Variants in RALGPS2 observed in about 807,000 individuals in gnomAD.
The protein encoded by RALGPS2 is ras-specific guanine nucleotide-releasing factor RalGPS2.
Under a neutral mutation model 86.8 loss-of-function variants are expected in RALGPS2, and 43 were observed. That is an observed-to-expected ratio of 0.50 (90% confidence interval 0.39 to 0.64). The LOEUF (loss-of-function observed/expected upper bound fraction) is 0.64, where lower values mean the gene tolerates loss of function less well. RALGPS2 is among the 30% of genes least tolerant of loss of function. RALGPS2 has a pLI of 0.00. For missense variants in RALGPS2, 536 were observed against 694.6 expected (o/e 0.77, Z 2.57); for synonymous variants, 243 against 231.3 (o/e 1.05, Z -0.46).
chr1:178,862,080 C>A (rs1194556704), intron 8 of RALGPS2, among the ~76,000 whole-genome samples: 3 of 152,008 alleles, frequency 2.0e-5, no homozygotes, highest in Non-Finnish European at 4.4e-5. Flanking sequence ...ACCATGTTGG[C>A]CAGGCTGGTC....
At chr1:178,816,120 T>C (rs1655216397) in intron 6 of RALGPS2, among the ~76,000 whole-genome samples, 1 of 152,226 alleles carries the variant, frequency 6.6e-6, no homozygotes, top group Non-Finnish European at 1.5e-5. Flanking sequence ...TAGGAATATG[T>C]TTTAACTTTA....
At chr1:178,897,835 A>G (rs977761987) in intron 17 of RALGPS2, 79 bp downstream of exon 17, 15 of 1,227,988 alleles carry the variant, frequency 1.2e-5, no homozygotes, top group African/African-American at 4.5e-5. Context: ...CTAATGGGAT[A>G]CAAAGGTTTT....
chr1:178,895,273 G>A (rs985160620), intron 16 of RALGPS2, among the ~76,000 whole-genome samples: 12 of 151,888 alleles, frequency 7.9e-5, no homozygotes, highest in African/African-American at 2.7e-4. Context: ...TTATTTTGTT[G>A]TTTATATCAC....
At chr1:178,852,983 T>C in intron 8 of RALGPS2, 1 of 1,580,838 alleles carries the variant, frequency 6.3e-7, no homozygotes, top group Non-Finnish European at 8.6e-7. Flanking sequence ...CATGAGTGCA[T>C]AAATAAGTAT....
In RALGPS2 at chr1:178,772,152, T is replaced by C. The variant is rs115701309; in HGVS notation, c.-83-4530T>C. Among the ~76,000 whole-genome samples the C allele has an allele frequency of 3.7e-3, 560 of 152,370 alleles. 5 individuals carry two copies. Among genetic ancestry groups the C allele is most frequent in the African/African-American group, 0.012 (507 of 41,590 alleles). ...TTCCTAGGTCCACAGTAGCACACTT[T>C]TGTCAAATATTTAAACCTATTTCTG... On this transcript the variant is annotated intron_variant, in intron 1 of 19. Transcript: ENST00000367635.
chr1:178,886,321 TGAA>T (rs1222697961), intron 13 of RALGPS2, among the ~76,000 whole-genome samples: 1 of 152,204 alleles, frequency 6.6e-6, no homozygotes, highest in Non-Finnish European at 1.5e-5. Context: ...GGGAAGCATT[TGAA>T]GAAGGTGGAA....
chr1:178,781,129 A>G lies in RALGPS2; in HGVS notation c.58-3289A>G, dbSNP rs1025618559. On this transcript the variant is annotated intron_variant, in intron 2 of 19. Transcript: ENST00000367635. ...AAATAAAATAGATCATTTCACTTGT[A>G]CAAACAATTCTGTTGACTTTACCAA... 4.6e-5 allele frequency among the ~76,000 whole-genome samples: 7 copies of G among 152,274 alleles called. No homozygotes were observed. The East Asian group carries it at 1.2e-3, about 25-fold the overall frequency.
intron 1 of RALGPS2, among the ~76,000 whole-genome samples, chr1:178,739,455 C>T (rs1195584651): frequency 6.6e-6 from 1 of 152,050 alleles, no homozygotes; most frequent in Non-Finnish European, 1.5e-5. Context: ...CAGGAGTGGT[C>T]CTTAAGGAAT....
intron 8 of RALGPS2, among the ~76,000 whole-genome samples, chr1:178,851,909 C>G (rs1657199235): frequency 6.6e-6 from 1 of 152,022 alleles, no homozygotes; most frequent in Non-Finnish European, 1.5e-5. Context: ...GAGGGGATCT[C>G]TGTATCAGGA....
intron 8 of RALGPS2, among the ~76,000 whole-genome samples, chr1:178,846,634 T>C (rs1656878756): frequency 1.3e-5 from 2 of 152,176 alleles, no homozygotes; most frequent in Non-Finnish European, 2.9e-5. Flanking sequence ...TGGGGTTGTG[T>C]TAATTTCATC....
At chr1:178,897,631 G>A (rs751610767) in intron 16 of RALGPS2, 33 bp from the exon 17 acceptor site, 2 of 1,523,576 alleles carry the variant, frequency 1.3e-6, no homozygotes, top group Non-Finnish European at 9.1e-7. Context: ...CAGGAGCATT[G>A]TAATAGTATA....
At chr1:178,767,571 C>T (rs957427079) in intron 1 of RALGPS2, among the ~76,000 whole-genome samples, 1 of 152,032 alleles carries the variant, frequency 6.6e-6, no homozygotes, top group African/African-American at 2.4e-5. Flanking sequence ...GTATCCTTGC[C>T]AGGTAAGCCC....
intron 1 of RALGPS2, among the ~76,000 whole-genome samples, chr1:178,751,057 A>G (rs1238922323): frequency 6.6e-6 from 1 of 152,138 alleles, no homozygotes; most frequent in African/African-American, 2.4e-5. Flanking sequence ...ATTTATTTCC[A>G]TGCTGTTGTA....
intron 8 of RALGPS2, among the ~76,000 whole-genome samples, chr1:178,868,409 C>G (rs1393073222): frequency 1.3e-5 from 2 of 151,796 alleles, no homozygotes; most frequent in Non-Finnish European, 2.9e-5. Flanking sequence ...AGAATGGAAA[C>G]TCTGAGATCA....
At position 178,895,466 on chromosome 1, in the gene RALGPS2, A is replaced by G. The variant is rs77887630; in HGVS notation, c.1431+1442A>G. 3.3e-3 allele frequency among the ~76,000 whole-genome samples: 498 copies of G among 152,198 alleles called. 5 individuals carry two copies. The highest frequency in any genetic ancestry group is 0.011 in the African/African-American group (446 of 41,554). ...TTTCAGTGAGGAGAAATAGAGAATA[A>G]GGCTTTAAAATAATGTCATAGGATA... On this transcript the variant is annotated intron_variant, in intron 16 of 19. Transcript: ENST00000367635.
In RALGPS2 at chr1:178,916,495, A is replaced by G. The variant is rs1660821336; in HGVS notation, c.*136A>G. 3 of 727,144 alleles carry G rather than the reference A, an allele frequency of 4.1e-6. No homozygotes were observed. In the African/African-American group the frequency reaches 5.4e-5, roughly 13 times the overall value. The allele number at this position is 727,144 out of a possible 1,614,324, so 45.0% of individuals were successfully genotyped here. On this transcript the variant is annotated 3_prime_UTR_variant, in exon 20 of 20. Transcript: ENST00000367635. ...GTCTCAGTCGTTGGAGTTCTCAACCAAAAAAGCACTAATTTCAGGGAATGA... is the reference window on the plus strand; with the variant it reads ...GTCTCAGTCGTTGGAGTTCTCAACCGAAAAAGCACTAATTTCAGGGAATGA...
At chr1:178,791,953 A>C (rs923872354) in intron 4 of RALGPS2, among the ~76,000 whole-genome samples, 1 of 152,198 alleles carries the variant, frequency 6.6e-6, no homozygotes, top group Non-Finnish European at 1.5e-5. Flanking sequence ...TGAAGTGTTA[A>C]AAATTATTTT....
chr1:178,742,115 A>T (rs1284810989), intron 1 of RALGPS2, among the ~76,000 whole-genome samples: 1 of 149,842 alleles, frequency 6.7e-6, no homozygotes, highest in African/African-American at 2.5e-5. Flanking sequence ...CAGCCTGGCA[A>T]CAGAGCAAGA....
At chr1:178,821,783 T>A in intron 7 of RALGPS2, 79 bp downstream of exon 7, 1 of 1,089,996 alleles carries the variant, frequency 9.2e-7, no homozygotes, top group Non-Finnish European at 1.4e-6. Context: ...TTGTAATTCT[T>A]ATTAAAGTTA....
Sources: gnomAD v4.1 joint callset for allele counts (sites outside exome capture counted in the v4.1 genomes callset) on GRCh38, gnomAD v4.1.1 for gene constraint, MANE v1.5 for transcripts, NCBI Gene and HGNC (gene_info 2026-07-23, HGNC 2026-07-21) for gene names.